The following ZNF763 variants were observed in gnomAD, a reference collection of about 807,000 sequenced individuals.
ZNF763 encodes DNA-binding protein.
Under a neutral mutation model 38.0 loss-of-function variants are expected in ZNF763, and 33 were observed. That is an observed-to-expected ratio of 0.87 (90% confidence interval 0.66 to 1.16). The LOEUF is 1.16. Among genes scored for constraint, ZNF763 ranks in the 50% most tolerant of loss-of-function variants. The pLI is 0.00. For missense variants in ZNF763, 423 were observed against 469.1 expected, an observed-to-expected ratio of 0.90 and a Z score of 0.91; for synonymous variants, 155 against 160.1, an observed-to-expected ratio of 0.97 and a Z score of 0.24.
intron 1 of ZNF763, among the ~76,000 whole-genome samples, chr19:11,969,452 T>G (rs1294093323): frequency 6.8e-6 from 1 of 146,776 alleles, no homozygotes; most frequent in Non-Finnish European, 1.5e-5. Flanking sequence ...TTTCTAGTTA[T>G]GTAATCAGCG....
Position 11,980,237 on chromosome 19 carries a change from C to G in ZNF763, c.*1128C>G, listed in dbSNP as rs761497765. The G allele has an allele frequency of 1.6e-5, 6 of 375,518 alleles. No individual in the cohort carries two copies. The highest frequency in any genetic ancestry group is 2.4e-5 in the Non-Finnish European group (5 of 205,290). The allele number at this position is 375,518 out of a possible 1,614,324, so 23.3% of individuals were successfully genotyped here. On this transcript the variant is annotated 3_prime_UTR_variant, in exon 4 of 4. Coordinates refer to ENST00000358987, the MANE Select transcript of ZNF763 (RefSeq NM_001367172.2). ...CTCTACTAAAACTACAAAAATTGGCCAGGCGTGGTGGCCTGCTTCTGTAAT... is the reference window on the plus strand; with the variant it reads ...CTCTACTAAAACTACAAAAATTGGCGAGGCGTGGTGGCCTGCTTCTGTAAT...
At chr19:11,970,983 T>C (rs1035948306) in intron 1 of ZNF763, among the ~76,000 whole-genome samples, 2 of 152,156 alleles carry the variant, frequency 1.3e-5, no homozygotes, top group African/African-American at 2.4e-5. Flanking sequence ...CACAATTTGC[T>C]GTTTTCCATT....
At chr19:11,976,555 C>CAAAAAA (rs1197877281) in intron 1 of ZNF763, among the ~76,000 whole-genome samples, 1 of 73,824 alleles carries the variant, frequency 1.4e-5, no homozygotes. Context: ...GACTCTGTCT[C>CAAAAAA]AAAAAAAAAA....
In ZNF763 at chr19:11,978,370, C is replaced by A. The variant is rs750378231; in HGVS notation, c.446C>A (p.Pro149His). The A allele has an allele frequency of 1.2e-6, 2 of 1,614,142 alleles. No homozygotes were observed. The highest frequency in any genetic ancestry group is 1.7e-6 in the Non-Finnish European group (2 of 1,180,036). The change falls in exon 4 of 4, where the codon CCT becomes CAT. Residue 149 changes from proline (P) to histidine (H), a missense_variant. Physicochemically the swap from Pro to His is moderately conservative, Grantham distance 77. Coordinates refer to ENST00000358987, the MANE Select transcript of ZNF763 (RefSeq NM_001367172.2). ...YAPKPYKCQQ[P>H]KKAFRYHPSF... ...CCAAAGCCATATAAGTGTCAACAAC[C>A]TAAGAAAGCCTTCAGATATCACCCC... is the stretch of plus-strand genomic sequence containing the variant.
chr19:11,965,345 G>C, intron 1 of ZNF763, 134 bp downstream of exon 1: 1 of 1,279,204 alleles, frequency 7.8e-7, no homozygotes, highest in Non-Finnish European at 1.1e-6. Flanking sequence ...GGAGCTGCTC[G>C]GCCCTCGGTC....
At position 11,974,126 on chromosome 19, in the gene ZNF763, T is replaced by TTTCTTTTCTTTCTTTC. The variant is rs1177618111; in HGVS notation, c.4-2910_4-2909insCTTTTCTTTCTTTCTT. On this transcript the variant is annotated intron_variant, in intron 1 of 3. Transcript: ENST00000358987. ...CTTTCTTTCTTTCTTTCTTTCTTTC[T>TTTCTTTTCTTTCTTTC]TTTCTTTCTTTCTTTCTTTCTTTCT... Among the ~76,000 whole-genome samples, 15 of 55,090 alleles carry TTTCTTTTCTTTCTTTC rather than the reference T, an allele frequency of 2.7e-4. No individual in the cohort carries two copies. In the South Asian group the frequency reaches 3.6e-3, roughly 13 times the overall value. The allele number at this position is 55,090 out of a possible 152,430, so 36.1% of individuals were successfully genotyped here.
rs1599305214 is a variant in ZNF763 at position 11,965,326 on chromosome 19, A to C, written c.3+115A>C. 2.1e-6 allele frequency: 3 copies of C among 1,452,362 alleles called. No homozygotes were observed. In the East Asian group the frequency reaches 7.2e-5, roughly 35 times the overall value. The allele number at this position is 1,452,362 out of a possible 1,614,324, so 90.0% of individuals were successfully genotyped here. On this transcript the variant is annotated intron_variant, in intron 1 of 3. Coordinates refer to ENST00000358987, the MANE Select transcript of ZNF763 (RefSeq NM_001367172.2). ...CGGGCGACTCCAGGGTCTGGGACCG[A>C]GTCCTCCTGGAGCTGCTCGGCCCTC...
At chr19:11,976,705 A>G (rs555776096) in intron 1 of ZNF763, 383 of 302,260 alleles carry the variant, frequency 1.3e-3, no homozygotes, top group African/African-American at 8.3e-3. Flanking sequence ...TGTCTCTACT[A>G]AAAATACAAA....
At chr19:11,975,587 C>T (rs971462240) in intron 1 of ZNF763, among the ~76,000 whole-genome samples, 7 of 151,868 alleles carry the variant, frequency 4.6e-5, no homozygotes, top group Admixed American at 3.9e-4. Context: ...TTAGTAGAGA[C>T]AGGGTTTCAC....
chr19:11,978,012 G>A, intron 3 of ZNF763, 104 bp from the exon 4 acceptor site: 1 of 1,408,722 alleles, frequency 7.1e-7, no homozygotes, highest in Non-Finnish European at 9.7e-7. Context: ...AGCCAGGGCA[G>A]AAAGCCTACA....
intron 1 of ZNF763, among the ~76,000 whole-genome samples, chr19:11,968,814 G>A (rs1005255723): frequency 6.6e-6 from 1 of 152,082 alleles, no homozygotes; most frequent in Non-Finnish European, 1.5e-5. Context: ...GATCTCAGGA[G>A]TTGAAGACCA....
intron 1 of ZNF763, 110 bp from the exon 2 acceptor site, chr19:11,976,928 A>G: frequency 1.3e-6 from 2 of 1,555,346 alleles, no homozygotes; most frequent in Non-Finnish European, 1.7e-6. Context: ...TGTGATGACC[A>G]AAGCAGGGAA....
At chr19:11,968,033 A>G (rs1391413201) in intron 1 of ZNF763, among the ~76,000 whole-genome samples, 1 of 152,176 alleles carries the variant, frequency 6.6e-6, no homozygotes, top group Non-Finnish European at 1.5e-5. Context: ...GTGTAAGGAT[A>G]CTTGCAGGCA....
At chr19:11,969,646 C>T (rs1973309216) in intron 1 of ZNF763, among the ~76,000 whole-genome samples, 3 of 152,142 alleles carry the variant, frequency 2.0e-5, no homozygotes. Flanking sequence ...ACTGGTTTCC[C>T]CTTACATTTT....
intron 1 of ZNF763, among the ~76,000 whole-genome samples, chr19:11,968,390 C>G (rs1973281782): frequency 6.6e-6 from 1 of 152,096 alleles, no homozygotes. Context: ...GTACAGTTGC[C>G]CACCAGCACA....
intron 1 of ZNF763, among the ~76,000 whole-genome samples, chr19:11,975,004 A>G (rs574166643): frequency 1.6e-4 from 24 of 152,200 alleles, no homozygotes; most frequent in Non-Finnish European, 3.5e-4. Flanking sequence ...AGAAATCTAC[A>G]TAAGTTCTCT....
intron 1 of ZNF763, among the ~76,000 whole-genome samples, chr19:11,970,666 C>A (rs1404254240): frequency 6.6e-6 from 1 of 152,216 alleles, no homozygotes; most frequent in East Asian, 1.9e-4. Context: ...ATGTCCAGAG[C>A]AGGTGCAGTG....
At chr19:11,972,037 A>G (rs1973362154) in intron 1 of ZNF763, among the ~76,000 whole-genome samples, 1 of 151,822 alleles carries the variant, frequency 6.6e-6, no homozygotes, top group African/African-American at 2.4e-5. Flanking sequence ...ACTCCAGCCC[A>G]GGCAACAAGA....
In ZNF763 at chr19:11,978,347, A is replaced by G. The variant is rs1366280191; in HGVS notation, c.423A>G (p.Pro141=). The part of the protein sequence containing the change: ...HKAYEYQDYA[P]KPYKCQQPKK... ...CATACGAGTATCAGGACTATGCACC[A>G]AAGCCATATAAGTGTCAACAACCTA... The change falls in exon 4 of 4, where the codon CCA becomes CCG. Residue 141 remains proline (P), a synonymous_variant. Coordinates refer to ENST00000358987, the MANE Select transcript of ZNF763 (RefSeq NM_001367172.2). The G allele has an allele frequency of 6.2e-6, 10 of 1,614,232 alleles. No individual in the cohort carries two copies. The highest frequency in any genetic ancestry group is 8.5e-6 in the Non-Finnish European group (10 of 1,180,042).
Sources: allele counts gnomAD v4.1 joint callset (sites outside exome capture counted in the v4.1 genomes callset), GRCh38; gene constraint gnomAD v4.1.1; transcripts MANE v1.5; gene names NCBI Gene and HGNC (gene_info 2026-07-23, HGNC 2026-07-21).